The following PRKN variants were observed in gnomAD, a reference collection of about 807,000 sequenced individuals.
PRKN encodes E3 ubiquitin-protein ligase parkin.
In PRKN, 56 loss-of-function variants were observed where a neutral mutation model predicts 59.5. The ratio of observed to expected loss-of-function variants is 0.94; its 90% CI spans 0.76 to 1.18. PRKN has a LOEUF of 1.18. Ranked by LOEUF, PRKN falls within the 50% of genes most tolerant of loss-of-function variation. PRKN has a pLI of 0.00. For missense variants in PRKN, 657 were observed against 596.4 expected, an observed-to-expected ratio of 1.10 and a Z score of -1.06; for synonymous variants, 250 against 222.1, an observed-to-expected ratio of 1.13 and a Z score of -1.12.
intron 7 of PRKN, among the ~76,000 whole-genome samples, chr6:161,784,645 G>A (rs1167761709): frequency 2.0e-5 from 3 of 152,186 alleles, no homozygotes; most frequent in Non-Finnish European, 4.4e-5. Context: ...TGTGGAGAGA[G>A]AGAAACCTGG....
intron 1 of PRKN, among the ~76,000 whole-genome samples, chr6:162,700,738 C>T (rs1191147341): frequency 6.6e-6 from 1 of 152,016 alleles, no homozygotes; most frequent in Non-Finnish European, 1.5e-5. Context: ...TAACTATCCT[C>T]AACATCATAT....
chr6:162,723,792 G>A (rs1277735511), intron 1 of PRKN, among the ~76,000 whole-genome samples: 1 of 152,194 alleles, frequency 6.6e-6, no homozygotes. Context: ...TAAACCTAAT[G>A]AGTGCTTATT....
chr6:162,587,226 C>G (rs924963662), intron 1 of PRKN, among the ~76,000 whole-genome samples: 1 of 152,174 alleles, frequency 6.6e-6, no homozygotes, highest in Non-Finnish European at 1.5e-5. Context: ...ACCTCTGCCT[C>G]CTGGGTTCAG....
At chr6:161,501,333 G>A (rs1425944064) in intron 9 of PRKN, among the ~76,000 whole-genome samples, 7 of 152,130 alleles carry the variant, frequency 4.6e-5, no homozygotes, top group African/African-American at 1.7e-4. Flanking sequence ...GTGTGTAGAG[G>A]TATCTCATTG....
At chr6:161,962,963 G>A (rs962773384) in intron 6 of PRKN, among the ~76,000 whole-genome samples, 3 of 151,990 alleles carry the variant, frequency 2.0e-5, no homozygotes, top group Non-Finnish European at 2.9e-5. Context: ...TGGCCAACAT[G>A]GCGAAACCCC....
intron 7 of PRKN, among the ~76,000 whole-genome samples, chr6:161,617,222 T>C (rs1018248747): frequency 2.6e-5 from 4 of 152,240 alleles, no homozygotes; most frequent in African/African-American, 9.6e-5. Flanking sequence ...GAGAAGTGTC[T>C]GTTCATATCC....
intron 4 of PRKN, among the ~76,000 whole-genome samples, chr6:162,136,899 A>T (rs758338150): frequency 1.3e-4 from 20 of 152,140 alleles, no homozygotes; most frequent in Non-Finnish European, 2.5e-4. Context: ...AAATAAAGGA[A>T]TTTTATTTAT....
chr6:161,439,458 T>C (rs180833788), intron 9 of PRKN, among the ~76,000 whole-genome samples: 6 of 152,274 alleles, frequency 3.9e-5, no homozygotes, highest in Admixed American at 3.9e-4. Context: ...ATAGGCCGGA[T>C]AAATGGCAGT....
chr6:162,553,689 G>A (rs1779423514), intron 1 of PRKN, among the ~76,000 whole-genome samples: 1 of 151,514 alleles, frequency 6.6e-6, no homozygotes, highest in East Asian at 1.9e-4. Context: ...TGTAATCTCA[G>A]CTACTCAGAA....
Position 161,679,682 on chromosome 6 carries a change from C to CG in PRKN, c.871+106089_871+106090insC, listed in dbSNP as rs1328388757. On this transcript the variant is annotated intron_variant, in intron 7 of 11. Coordinates refer to ENST00000366898, the MANE Select transcript of PRKN (RefSeq NM_004562.3). ...TGGTTTATAATAGAACCACCCCCCCCCCTTTTTTTTTTTTAAGAAACAGGA... is the reference window on the plus strand; with the variant it reads ...TGGTTTATAATAGAACCACCCCCCCCGCCTTTTTTTTTTTTAAGAAACAGGA... Among the ~76,000 whole-genome samples the CG allele has an allele frequency of 5.3e-3, 709 of 134,272 alleles. 23 individuals carry two copies. Among genetic ancestry groups the CG allele is most frequent in the African/African-American group, 0.019 (662 of 35,280 alleles). 88.1% of individuals were successfully genotyped at this position (134,272 alleles called of 152,430 possible).
chr6:162,096,634 A>ATGGT (rs937570674), intron 4 of PRKN, among the ~76,000 whole-genome samples: 5 of 151,984 alleles, frequency 3.3e-5, no homozygotes, highest in African/African-American at 1.2e-4. Flanking sequence ...ACACGATCTG[A>ATGGT]TGGTTGTATA....
chr6:162,073,954 T>C (rs1778700571), intron 4 of PRKN, among the ~76,000 whole-genome samples: 1 of 151,956 alleles, frequency 6.6e-6, no homozygotes, highest in East Asian at 1.9e-4. Flanking sequence ...CCAGTTAGAA[T>C]GGCAATCATT....
At chr6:162,320,460 C>CA (rs199503719) in intron 2 of PRKN, among the ~76,000 whole-genome samples, 13,608 of 111,436 alleles carry the variant, frequency 0.12, 765 homozygotes, top group Middle Eastern at 0.24. Context: ...GATACTTCAC[C>CA]AAAAAAAAAA....
chr6:162,128,015 G>A (rs1197998511), intron 4 of PRKN, among the ~76,000 whole-genome samples: 2 of 152,152 alleles, frequency 1.3e-5, no homozygotes, highest in Admixed American at 1.3e-4. Context: ...TCAACTGAGA[G>A]GTCACATCCT....
intron 6 of PRKN, among the ~76,000 whole-genome samples, chr6:161,865,884 T>C (rs1000526956): frequency 2.0e-5 from 3 of 152,206 alleles, no homozygotes; most frequent in African/African-American, 7.2e-5. Context: ...ACAACTTGGA[T>C]AACTTATTGG....
chr6:162,301,902 C>G (rs1781977017), intron 2 of PRKN, among the ~76,000 whole-genome samples: 1 of 151,648 alleles, frequency 6.6e-6, no homozygotes, highest in Non-Finnish European at 1.5e-5. Flanking sequence ...CTTATTTGTG[C>G]TACAGTCACA....
chr6:161,757,886 T>TATATACAC (rs1416363617), intron 7 of PRKN, among the ~76,000 whole-genome samples: 4 of 116,248 alleles, frequency 3.4e-5, no homozygotes, highest in African/African-American at 1.4e-4. Context: ...TATATATATA[T>TATATACAC]ACACACACAC....
At chr6:161,944,974 T>C (rs1456831663) in intron 6 of PRKN, among the ~76,000 whole-genome samples, 2 of 152,304 alleles carry the variant, frequency 1.3e-5, no homozygotes, top group African/African-American at 4.8e-5. Context: ...CATGTTTCCT[T>C]TTTGACCTTT....
chr6:161,380,909 G>A (rs1785948270), intron 10 of PRKN, among the ~76,000 whole-genome samples: 2 of 152,130 alleles, frequency 1.3e-5, no homozygotes, highest in South Asian at 4.1e-4. Context: ...GAGCTGTGTA[G>A]CAGGTGTCTC....
Sources: allele counts gnomAD v4.1 joint callset (sites outside exome capture counted in the v4.1 genomes callset), GRCh38; gene constraint gnomAD v4.1.1; transcripts MANE v1.5; gene names NCBI Gene and HGNC (gene_info 2026-07-23, HGNC 2026-07-21).